IGFBP2: variants seen among roughly 807,000 people sequenced by gnomAD.
IGFBP2 encodes insulin-like growth factor-binding protein 2.
In IGFBP2, 12 loss-of-function variants were observed where a neutral mutation model predicts 26.2. The ratio of observed to expected loss-of-function variants is 0.46; its 90% CI spans 0.29 to 0.74. The LOEUF (loss-of-function observed/expected upper bound fraction) is 0.74, where lower values mean the gene tolerates loss of function less well. Ranked by LOEUF, IGFBP2 falls within the 30% of genes least tolerant of loss-of-function variation. IGFBP2 has a pLI of 0.09. For missense variants in IGFBP2, 328 were observed against 441.2 expected (o/e 0.74, Z 2.30); for synonymous variants, 189 against 200.6 (o/e 0.94, Z 0.49).
chr2:216,664,010 A>G lies in IGFBP2; in HGVS notation c.884A>G (p.Gln295Arg), dbSNP rs1346637927. ...CVNPNTGKLI[Q>R]GAPTIRGDPE... ...AACCCCAACACCGGGAAGCTGATCCAGGGAGCCCCCACCATCCGGGGGGAC... is the reference window on the plus strand; with the variant it reads ...AACCCCAACACCGGGAAGCTGATCCGGGGAGCCCCCACCATCCGGGGGGAC... The change falls in exon 4 of 4, where the codon CAG (glutamine) becomes CGG (arginine). Residue 295 changes from glutamine (Q) to arginine (R), a missense_variant. Transcript: ENST00000233809. This position sits in a 1 kb window ranked among gnomAD's most constrained non-coding sequence, Gnocchi z 4.6. The G allele has an allele frequency of 6.2e-7, 1 of 1,614,172 alleles. No homozygotes were observed. The highest frequency in any genetic ancestry group is 1.7e-5 in the Admixed American group (1 of 60,024).
chr2:216,646,888 G>A (rs978053092), intron 1 of IGFBP2, among the ~76,000 whole-genome samples: 1 of 152,200 alleles, frequency 6.6e-6, no homozygotes, highest in Non-Finnish European at 1.5e-5. Context: ...AACCATATCA[G>A]ATGGTCACCT....
chr2:216,636,365 G>C (rs1300708744), intron 1 of IGFBP2, among the ~76,000 whole-genome samples: 1 of 152,096 alleles, frequency 6.6e-6, no homozygotes, highest in Non-Finnish European at 1.5e-5. Context: ...AACCTCAGCA[G>C]TTCCGGCTTT....
intron 1 of IGFBP2, among the ~76,000 whole-genome samples, chr2:216,647,914 G>A (rs923088007): frequency 4.2e-4 from 64 of 152,170 alleles, no homozygotes; most frequent in African/African-American, 1.3e-3. Context: ...TCCACCTCCC[G>A]GGCTCAAGCC....
chr2:216,638,242 C>T (rs9341116), intron 1 of IGFBP2, among the ~76,000 whole-genome samples: 21,820 of 151,256 alleles, frequency 0.14, 1,845 homozygotes, highest in Middle Eastern at 0.34. Flanking sequence ...CGGTGGCTCA[C>T]GCCTGTAATT....
chr2:216,652,926 C>A (rs997793346), intron 1 of IGFBP2, among the ~76,000 whole-genome samples: 12 of 152,096 alleles, frequency 7.9e-5, no homozygotes, highest in Admixed American at 1.3e-4. Context: ...TGGCTTAGAT[C>A]ATCTCTGTGG....
intron 1 of IGFBP2, among the ~76,000 whole-genome samples, chr2:216,639,522 C>T (rs1697570553): frequency 6.6e-6 from 1 of 150,804 alleles, no homozygotes; most frequent in Admixed American, 6.6e-5. Context: ...GTCCTTCCCG[C>T]GTACTAGAAG....
intron 1 of IGFBP2, among the ~76,000 whole-genome samples, chr2:216,648,901 C>A (rs904885720): frequency 1.3e-5 from 2 of 152,038 alleles, no homozygotes; most frequent in African/African-American, 4.8e-5. Context: ...GCCACCGCGC[C>A]CAGCCCTGAG....
At chr2:216,655,902 CAAAAAAA>C (rs200162837) in intron 1 of IGFBP2, among the ~76,000 whole-genome samples, 1 of 126,872 alleles carries the variant, frequency 7.9e-6, no homozygotes. Flanking sequence ...CTCAAAAAAA[CAAAAAAA>C]AAAAATCAAA....
intron 1 of IGFBP2, among the ~76,000 whole-genome samples, chr2:216,643,278 G>C (rs1297477022): frequency 6.6e-6 from 1 of 152,150 alleles, no homozygotes; most frequent in Non-Finnish European, 1.5e-5. Flanking sequence ...AGGGGCTGTT[G>C]GATTCTCCAT....
chr2:216,643,017 C>A (rs1332996854), intron 1 of IGFBP2, among the ~76,000 whole-genome samples: 3 of 152,120 alleles, frequency 2.0e-5, no homozygotes, highest in Non-Finnish European at 4.4e-5. Flanking sequence ...GTGGTCCTAG[C>A]ACATTTAGCA....
chr2:216,644,049 A>G (rs1489257400), intron 1 of IGFBP2, among the ~76,000 whole-genome samples: 1 of 152,088 alleles, frequency 6.6e-6, no homozygotes, highest in Non-Finnish European at 1.5e-5. Flanking sequence ...GAACAAAGCC[A>G]GGGAAGATCT....
intron 1 of IGFBP2, among the ~76,000 whole-genome samples, chr2:216,641,999 A>ATTT (rs759581642): frequency 2.0e-5 from 2 of 99,664 alleles, no homozygotes; most frequent in Non-Finnish European, 4.2e-5. Context: ...CCAGGCTTAC[A>ATTT]TTTTTTTTTT....
In IGFBP2 at chr2:216,648,711, C is replaced by T. The variant is rs376555436; in HGVS notation, c.443-11846C>T. ...GCAACCTTCGCCTCCCGGGTTCAAG[C>T]GATTCTTCTGCCTCAGCCTCCTGAG... On this transcript the variant is annotated intron_variant, in intron 1 of 3. Transcript: ENST00000233809. Among the ~76,000 whole-genome samples, 543 of 152,174 alleles carry T rather than the reference C, an allele frequency of 3.6e-3. 1 individual carries two copies. The highest frequency in any genetic ancestry group is 0.013 in the African/African-American group (521 of 41,512).
chr2:216,655,148 A>G (rs896627280), intron 1 of IGFBP2, among the ~76,000 whole-genome samples: 1 of 152,188 alleles, frequency 6.6e-6, no homozygotes, highest in African/African-American at 2.4e-5. Context: ...CCTGGGCTCA[A>G]GTAATTTCCC....
Position 216,639,174 on chromosome 2 carries a change from A to G in IGFBP2, c.442+5209A>G, listed in dbSNP as rs182743144. Among the ~76,000 whole-genome samples the G allele has an allele frequency of 1.9e-4, 29 of 152,020 alleles. No homozygotes were observed. The East Asian group carries it at 5.6e-3, about 29-fold the overall frequency. ...CAGCCTCCCGAGTAGTTGGGAATTC[A>G]CGCATGCACCACCATACACGGTTAA... is the stretch of plus-strand genomic sequence containing the variant. On this transcript the variant is annotated intron_variant, in intron 1 of 3. Coordinates refer to ENST00000233809, the MANE Select transcript of IGFBP2 (RefSeq NM_000597.3).
chr2:216,638,016 C>A (rs927305868), intron 1 of IGFBP2, among the ~76,000 whole-genome samples: 6 of 152,164 alleles, frequency 3.9e-5, no homozygotes, highest in Non-Finnish European at 5.9e-5. Flanking sequence ...AGTGAAACCT[C>A]TTCTCTGCTA....
At chr2:216,660,917 A>G (rs1688627357) in intron 2 of IGFBP2, 131 bp downstream of exon 2, 1 of 690,534 alleles carries the variant, frequency 1.4e-6, no homozygotes, top group African/African-American at 1.8e-5. Context: ...TTCCACAAAC[A>G]TAGTTGTGGA....
At chr2:216,649,428 A>G (rs1411218968) in intron 1 of IGFBP2, among the ~76,000 whole-genome samples, 1 of 152,202 alleles carries the variant, frequency 6.6e-6, no homozygotes, top group Admixed American at 6.5e-5. Flanking sequence ...TAGAGAGAAG[A>G]ATTGCTGGGT....
chr2:216,653,170 T>A (rs1215824420), intron 1 of IGFBP2, among the ~76,000 whole-genome samples: 1 of 152,214 alleles, frequency 6.6e-6, no homozygotes, highest in Non-Finnish European at 1.5e-5. Flanking sequence ...GGAGGTGCTT[T>A]TAGATTCTTG....
Sources: allele counts gnomAD v4.1 joint callset (sites outside exome capture counted in the v4.1 genomes callset), GRCh38; gene constraint gnomAD v4.1.1; non-coding constraint Gnocchi (gnomAD v3.1); transcripts MANE v1.5; gene names NCBI Gene and HGNC (gene_info 2026-07-23, HGNC 2026-07-21).